The following DYM variants were observed in gnomAD, a reference collection of about 807,000 sequenced individuals.
DYM encodes dyggve-Melchior-Clausen syndrome protein.
In DYM, 78 loss-of-function variants were observed where a neutral mutation model predicts 93.1. That is an observed-to-expected ratio of 0.84 (90% CI 0.70 to 1.01). DYM has a LOEUF of 1.01. Among genes scored for constraint, DYM ranks in the 50% least tolerant of loss-of-function variants. The pLI, the probability that DYM is intolerant of heterozygous loss-of-function variation, is 0.00. For synonymous variants in DYM, 321 were observed against 319.7 expected, an observed-to-expected ratio of 1.00 and a Z score of -0.04; for missense variants, 789 against 845.0, an observed-to-expected ratio of 0.93 and a Z score of 0.82.
chr18:49,338,731 C>T (rs1291134571), intron 6 of DYM, among the ~76,000 whole-genome samples: 1 of 152,092 alleles, frequency 6.6e-6, no homozygotes, highest in Non-Finnish European at 1.5e-5. Context: ...GATCCCTACA[C>T]CTTACAACAT....
intron 6 of DYM, among the ~76,000 whole-genome samples, chr18:49,357,408 T>A (rs1403561509): frequency 6.6e-6 from 1 of 152,210 alleles, no homozygotes; most frequent in Admixed American, 6.5e-5. Context: ...GGCCCCAGAA[T>A]ACTCAGCATT....
At chr18:49,150,406 C>T (rs1209920432) in intron 15 of DYM, among the ~76,000 whole-genome samples, 1 of 152,054 alleles carries the variant, frequency 6.6e-6, no homozygotes, top group African/African-American at 2.4e-5. Flanking sequence ...ACATTAGTAC[C>T]CTTATAGTAA....
At chr18:49,456,675 A>G (rs1376037447) in intron 1 of DYM, among the ~76,000 whole-genome samples, 1 of 152,248 alleles carries the variant, frequency 6.6e-6, no homozygotes, top group East Asian at 1.9e-4. Flanking sequence ...GAAAAAAACA[A>G]AAACTTTTAC....
intron 5 of DYM, among the ~76,000 whole-genome samples, chr18:49,369,894 C>T (rs2066846299): frequency 6.6e-6 from 1 of 152,218 alleles, no homozygotes; most frequent in South Asian, 2.1e-4. Flanking sequence ...GCACCTTGCT[C>T]GCCCCAGGTC....
chr18:49,175,324 C>T (rs1426019210), intron 14 of DYM, among the ~76,000 whole-genome samples: 1 of 152,108 alleles, frequency 6.6e-6, no homozygotes, highest in African/African-American at 2.4e-5. Context: ...TCTTGCCTTA[C>T]AAAATCAGAA....
intron 15 of DYM, among the ~76,000 whole-genome samples, chr18:49,136,262 A>G (rs987398589): frequency 6.6e-6 from 1 of 152,256 alleles, no homozygotes; most frequent in Non-Finnish European, 1.5e-5. Context: ...AAGTGTTACT[A>G]TAACAAGATG....
intron 17 of DYM, among the ~76,000 whole-genome samples, chr18:49,059,192 C>T (rs1462005274): frequency 6.6e-6 from 1 of 152,204 alleles, no homozygotes; most frequent in Non-Finnish European, 1.5e-5. Flanking sequence ...CAGCTAGTCC[C>T]GTCCACCATG....
intron 6 of DYM, among the ~76,000 whole-genome samples, chr18:49,350,107 C>T (rs147705383): frequency 1.1e-3 from 175 of 152,302 alleles, no homozygotes; most frequent in African/African-American, 3.9e-3. Flanking sequence ...AAATTTATCA[C>T]ATCTTTATCA....
intron 11 of DYM, among the ~76,000 whole-genome samples, chr18:49,264,315 GA>G (rs2094536381): frequency 6.6e-6 from 1 of 151,902 alleles, no homozygotes; most frequent in South Asian, 2.1e-4. Flanking sequence ...CGTAAACCCT[GA>G]AATGGAACTT....
intron 10 of DYM, among the ~76,000 whole-genome samples, chr18:49,277,927 A>G (rs996327544): frequency 2.6e-5 from 4 of 152,234 alleles, no homozygotes; most frequent in Non-Finnish European, 4.4e-5. Context: ...GTCAAATAAG[A>G]AAATTATGAA....
At chr18:49,428,799 G>T (rs1212430637) in intron 2 of DYM, among the ~76,000 whole-genome samples, 1 of 152,146 alleles carries the variant, frequency 6.6e-6, no homozygotes, top group Non-Finnish European at 1.5e-5. Flanking sequence ...TCTAAAATTG[G>T]TGATTGTTAC....
At chr18:49,120,101 A>G (rs2082251613) in intron 15 of DYM, among the ~76,000 whole-genome samples, 1 of 151,358 alleles carries the variant, frequency 6.6e-6, no homozygotes, top group Admixed American at 6.6e-5. Flanking sequence ...AAAAAGAAAA[A>G]AAAGAAAAGA....
At chr18:49,459,316 C>G (rs2083272755) in intron 1 of DYM, among the ~76,000 whole-genome samples, 1 of 152,150 alleles carries the variant, frequency 6.6e-6, no homozygotes, top group Non-Finnish European at 1.5e-5. Flanking sequence ...TCATACTTGT[C>G]CGGTCTATCT....
intron 8 of DYM, among the ~76,000 whole-genome samples, chr18:49,303,426 A>G (rs1055313664): frequency 3.3e-5 from 5 of 152,230 alleles, no homozygotes; most frequent in African/African-American, 1.2e-4. Context: ...GGGAACACAG[A>G]TGATGAAGTC....
At chr18:49,083,272 GTTT>G (rs1271551129) in intron 17 of DYM, among the ~76,000 whole-genome samples, 1 of 152,146 alleles carries the variant, frequency 6.6e-6, no homozygotes, top group Admixed American at 6.5e-5. Context: ...TGATCATGTG[GTTT>G]GTCCTTTAGT....
At chr18:49,285,047 A>G (rs1376656377) in intron 9 of DYM, among the ~76,000 whole-genome samples, 1 of 152,164 alleles carries the variant, frequency 6.6e-6, no homozygotes. Flanking sequence ...AGACACAGCT[A>G]GAAGGATCCA....
intron 1 of DYM, among the ~76,000 whole-genome samples, chr18:49,443,514 T>C (rs1269025781): frequency 1.3e-5 from 2 of 152,226 alleles, no homozygotes; most frequent in Non-Finnish European, 2.9e-5. Flanking sequence ...CAGTGGACTG[T>C]AGATTGTTTA....
At chr18:49,185,806 G>A (rs2145576896) in intron 14 of DYM, among the ~76,000 whole-genome samples, 1 of 152,198 alleles carries the variant, frequency 6.6e-6, no homozygotes, top group South Asian at 2.1e-4. Flanking sequence ...ATTACCAGCT[G>A]GTCAGTGGCA....
intron 1 of DYM, among the ~76,000 whole-genome samples, chr18:49,450,370 T>TA (rs1406521027): frequency 1.3e-5 from 2 of 152,240 alleles, no homozygotes; most frequent in Non-Finnish European, 2.9e-5. Flanking sequence ...AATAAACTAA[T>TA]ACAAGGGTAA....
Sources: gnomAD v4.1 joint callset for allele counts (sites outside exome capture counted in the v4.1 genomes callset) on GRCh38, gnomAD v4.1.1 for gene constraint, MANE v1.5 for transcripts, NCBI Gene and HGNC (gene_info 2026-07-23, HGNC 2026-07-21) for gene names.